Variants in KAZN observed in about 807,000 individuals in gnomAD.
KAZN encodes the protein kazrin, periplakin interacting protein, also known as kazrin.
A neutral mutation model predicts 87.4 loss-of-function variants in KAZN; 40 were observed. The ratio of observed to expected loss-of-function variants is 0.46; its 90% confidence interval spans 0.36 to 0.60. KAZN has a LOEUF of 0.60. KAZN is among the 20% of genes least tolerant of loss of function. The pLI, the probability that KAZN is intolerant of heterozygous loss-of-function variation, is 0.00. For synonymous variants in KAZN, 466 were observed against 458.3 expected, an observed-to-expected ratio of 1.02 and a Z score of -0.22; for missense variants, 898 against 1,073.9, an observed-to-expected ratio of 0.84 and a Z score of 2.29.
At chr1:13,982,487 G>A (rs191343169) in intron 1 of KAZN, among the ~76,000 whole-genome samples, 4 of 152,342 alleles carry the variant, frequency 2.6e-5, no homozygotes, top group Non-Finnish European at 4.4e-5. Context: ...GTGAGCAGTA[G>A]GAAGATTTAT....
intron 1 of KAZN, among the ~76,000 whole-genome samples, chr1:14,636,460 G>A (rs1208415866): frequency 1.3e-5 from 2 of 152,114 alleles, no homozygotes; most frequent in African/African-American, 2.4e-5. Context: ...TGTGTTCATC[G>A]AGCATTTCTG....
At chr1:15,112,586 A>AAAGGTCTTTTTTTTCTTCTCCCAGCGG in intron 14 of KAZN, 45 bp downstream of exon 14, 1 of 495,586 alleles carries the variant, frequency 2.0e-6, no homozygotes, top group Non-Finnish European at 3.0e-6. Context: ...CAGACCCGGG[A>AAAGGTCTTTTTTTTCTTCTCCCAGCGG]AAGGTCTTTT....
At chr1:14,071,797 G>C (rs1464515683) in intron 1 of KAZN, among the ~76,000 whole-genome samples, 1 of 152,210 alleles carries the variant, frequency 6.6e-6, no homozygotes, top group Non-Finnish European at 1.5e-5. Context: ...AGAAATACTT[G>C]TGGTGAGGGA....
chr1:14,770,151 T>C (rs1005261209), intron 1 of KAZN, among the ~76,000 whole-genome samples: 2 of 150,918 alleles, frequency 1.3e-5, no homozygotes, highest in Non-Finnish European at 2.9e-5. Flanking sequence ...CAGTTGGCCA[T>C]GGTGAAAGTT....
intron 1 of KAZN, among the ~76,000 whole-genome samples, chr1:14,728,803 A>G (rs1460848877): frequency 2.6e-5 from 4 of 152,140 alleles, no homozygotes; most frequent in African/African-American, 9.7e-5. Context: ...AGGCCTCCAG[A>G]CCACAGTGTC....
rs913454944 is a variant in KAZN, at chr1:15,002,692, A to G, written c.419-32057A>G. Among the ~76,000 whole-genome samples, 14 of 152,004 alleles carry G rather than the reference A, an allele frequency of 9.2e-5. 1 individual carries two copies. The highest frequency in any genetic ancestry group is 1.5e-5 in the Non-Finnish European group (1 of 67,992). On this transcript the variant is annotated intron_variant, in intron 2 of 14. Coordinates refer to ENST00000376030, the MANE Select transcript of KAZN (RefSeq NM_201628.3). Reference sequence around the variant, plus strand: ...TATTCCTCACCAAAAAAACACACACACGGCTGGGCGTGGTAGCTCACACCT... The same window carrying G: ...TATTCCTCACCAAAAAAACACACACGCGGCTGGGCGTGGTAGCTCACACCT...
At chr1:14,963,006 T>G (rs538798867) in intron 2 of KAZN, among the ~76,000 whole-genome samples, 26 of 151,256 alleles carry the variant, frequency 1.7e-4, no homozygotes, top group African/African-American at 6.1e-4. Context: ...CAGGAGGTTG[T>G]GAGAATGAAA....
At chr1:14,095,540 C>T (rs1461475160) in intron 1 of KAZN, among the ~76,000 whole-genome samples, 1 of 152,142 alleles carries the variant, frequency 6.6e-6, no homozygotes, top group African/African-American at 2.4e-5. Flanking sequence ...TCTGGGGATC[C>T]AGGTTGGAAG....
At chr1:14,883,352 A>G (rs867638175) in intron 1 of KAZN, among the ~76,000 whole-genome samples, 2,487 of 28,266 alleles carry the variant, frequency 0.088, 122 homozygotes, top group East Asian at 0.28. Context: ...GAAAGAAAGA[A>G]AGAAAAGAAA....
chr1:14,417,479 C>T (rs549565888), intron 2 of KAZN, among the ~76,000 whole-genome samples: 15 of 152,270 alleles, frequency 9.9e-5, no homozygotes, highest in Admixed American at 9.8e-4. Flanking sequence ...GCTGCTCAGT[C>T]TACAATGTAT....
At chr1:14,221,227 C>T (rs959136427) in intron 2 of KAZN, among the ~76,000 whole-genome samples, 1 of 152,116 alleles carries the variant, frequency 6.6e-6, no homozygotes, top group Non-Finnish European at 1.5e-5. Context: ...ATGTTTTAGA[C>T]TCAGTGCTTG....
chr1:14,309,504 G>A (rs1015812717), intron 2 of KAZN, among the ~76,000 whole-genome samples: 1 of 152,154 alleles, frequency 6.6e-6, no homozygotes, highest in African/African-American at 2.4e-5. Context: ...GAGGCCACAG[G>A]GAGGAATTTG....
At chr1:14,704,518 T>G (rs550314048) in intron 1 of KAZN, among the ~76,000 whole-genome samples, 1 of 152,208 alleles carries the variant, frequency 6.6e-6, no homozygotes, top group African/African-American at 2.4e-5. Flanking sequence ...ACTCACACCT[T>G]GTAGGAAGCT....
intron 1 of KAZN, among the ~76,000 whole-genome samples, chr1:14,174,259 G>A (rs1482021377): frequency 1.3e-5 from 2 of 152,176 alleles, no homozygotes; most frequent in Admixed American, 1.3e-4. Flanking sequence ...GTTCCGCACG[G>A]TGGGAGACTG....
At chr1:14,111,123 A>G (rs1162724044) in intron 1 of KAZN, among the ~76,000 whole-genome samples, 3 of 134,420 alleles carry the variant, frequency 2.2e-5, no homozygotes, top group Non-Finnish European at 3.2e-5. Flanking sequence ...GCAGACATCC[A>G]TTGAGGGTCT....
chr1:14,780,056 T>G (rs1161964792), intron 1 of KAZN, among the ~76,000 whole-genome samples: 1 of 152,250 alleles, frequency 6.6e-6, no homozygotes, highest in Non-Finnish European at 1.5e-5. Flanking sequence ...GAGGTATGTC[T>G]TGATATGATC....
intron 1 of KAZN, among the ~76,000 whole-genome samples, chr1:14,053,679 G>A (rs1052808913): frequency 1.3e-5 from 2 of 152,132 alleles, no homozygotes; most frequent in Admixed American, 1.3e-4. Context: ...AAAGAAAACA[G>A]TGAAAATTGT....
At chr1:14,690,116 T>C (rs1557891990) in intron 1 of KAZN, among the ~76,000 whole-genome samples, 1 of 152,122 alleles carries the variant, frequency 6.6e-6, no homozygotes, top group Non-Finnish European at 1.5e-5. Context: ...CTGCCCTCCA[T>C]GAACAAATGA....
chr1:14,417,282 G>A (rs964233802), intron 2 of KAZN, among the ~76,000 whole-genome samples: 1 of 152,090 alleles, frequency 6.6e-6, no homozygotes, highest in Admixed American at 6.5e-5. Flanking sequence ...ATTAAGAAGG[G>A]CAATTTTTAA....
Sources: gnomAD v4.1 joint callset for allele counts (sites outside exome capture counted in the v4.1 genomes callset) on GRCh38, gnomAD v4.1.1 for gene constraint, MANE v1.5 for transcripts, NCBI Gene and HGNC (gene_info 2026-07-23, HGNC 2026-07-21) for gene names.